Variants in DPYSL4 observed in about 807,000 individuals in gnomAD.
DPYSL4 encodes dihydropyrimidinase-related protein 4.
In DPYSL4, 43 loss-of-function variants were observed where a neutral mutation model predicts 63.4. The ratio of observed to expected loss-of-function variants is 0.68; its 90% confidence interval spans 0.53 to 0.88. The LOEUF is 0.88. Among genes scored for constraint, DPYSL4 ranks in the 40% least tolerant of loss-of-function variants. The probability of loss-of-function intolerance (pLI) is 0.00; values close to 1 mark genes in which losing one functional copy is unlikely to be tolerated. For missense variants in DPYSL4, 733 were observed against 819.5 expected (o/e 0.89, Z 1.29); for synonymous variants, 353 against 331.7 (o/e 1.06, Z -0.70).
intron 12 of DPYSL4, among the ~76,000 whole-genome samples, chr10:132,203,401 C>G (rs2062047247): frequency 1.3e-5 from 2 of 152,238 alleles, no homozygotes; most frequent in South Asian, 4.1e-4. Context: ...CACACACGCA[C>G]AGGGGCACTC....
chr10:132,201,186 A>G (rs571689975), intron 10 of DPYSL4, among the ~76,000 whole-genome samples: 18 of 152,206 alleles, frequency 1.2e-4, no homozygotes, highest in Non-Finnish European at 2.1e-4. Context: ...CAACAGCAAC[A>G]GGGGCAGCTG....
rs2062086294 is a variant in DPYSL4, at chr10:132,205,552, T to C, written c.*622T>C. 1 of 152,566 alleles carries C rather than the reference T, an allele frequency of 6.6e-6. No individual in the cohort carries two copies. The highest frequency in any genetic ancestry group is 2.4e-5 in the African/African-American group (1 of 41,456). The allele number at this position is 152,566 out of a possible 1,614,324, so 9.5% of individuals were successfully genotyped here. A position where few individuals can be genotyped will look rare whatever the true frequency, so the allele number is the denominator to read the frequency against. On this transcript the variant is annotated 3_prime_UTR_variant, in exon 14 of 14. Transcript: ENST00000338492. Reference sequence around the variant, plus strand: ...CCCAAGGCCCACACCTAAGCTTCCATGTAGCCCTCATCCAGGGAAGTTTTG... The same window carrying C: ...CCCAAGGCCCACACCTAAGCTTCCACGTAGCCCTCATCCAGGGAAGTTTTG...
chr10:132,187,750 C>T (rs961779307), intron 1 of DPYSL4, among the ~76,000 whole-genome samples: 3 of 152,244 alleles, frequency 2.0e-5, no homozygotes, highest in African/African-American at 4.8e-5. Flanking sequence ...GCCGGGAACC[C>T]TGGCAGCCCC....
intron 11 of DPYSL4, 124 bp from the exon 12 acceptor site, chr10:132,202,522 G>A: frequency 1.6e-6 from 2 of 1,251,828 alleles, no homozygotes; most frequent in East Asian, 2.5e-5. Flanking sequence ...TCTTGCTAGG[G>A]GCTCAGTGTA....
intron 6 of DPYSL4, 27 bp downstream of exon 6, chr10:132,197,128 G>A (rs1410233274): frequency 8.1e-6 from 12 of 1,472,702 alleles, no homozygotes; most frequent in Non-Finnish European, 9.9e-6. Context: ...CTGCCGTGGG[G>A]CAGGCACAGG....
chr10:132,203,598 C>A, intron 12 of DPYSL4, 164 bp from the exon 13 acceptor site: 1 of 626,448 alleles, frequency 1.6e-6, no homozygotes, highest in Non-Finnish European at 2.7e-6. Context: ...GGGTTGAGCA[C>A]CCCCCCAGGG....
At position 132,198,498 on chromosome 10, in the gene DPYSL4, C is replaced by G; in HGVS notation, c.690+15C>G. ...ACCCCGAGGAGGTAAGATCCCAGGG[C>G]ACCACAGCACACCCGAGCCAACTCC... On this transcript the variant is annotated intron_variant, in intron 7 of 13. Transcript: ENST00000338492. The G allele has an allele frequency of 6.3e-7, 1 of 1,590,240 alleles. No individual in the cohort carries two copies. The highest frequency in any genetic ancestry group is 8.5e-7 in the Non-Finnish European group (1 of 1,172,216).
chr10:132,198,796 T>C, intron 7 of DPYSL4, 55 bp from the exon 8 acceptor site: 1 of 1,601,294 alleles, frequency 6.2e-7, no homozygotes, highest in Non-Finnish European at 8.5e-7. Context: ...TTGCCCACAC[T>C]GGTCTGGAGC....
chr10:132,191,819 T>C (rs71512283), intron 2 of DPYSL4, among the ~76,000 whole-genome samples: 5 of 103,376 alleles, frequency 4.8e-5, no homozygotes, highest in East Asian at 6.6e-4. Context: ...TACACACTGG[T>C]CACGTGGTAT....
intron 6 of DPYSL4, 38 bp downstream of exon 6, chr10:132,197,139 G>C (rs755894507): frequency 6.9e-7 from 1 of 1,457,350 alleles, no homozygotes; most frequent in African/African-American, 1.4e-5. Flanking sequence ...CAGGCACAGG[G>C]GCTGCCGTGG....
At chr10:132,194,485 C>T (rs1290618975) in intron 3 of DPYSL4, among the ~76,000 whole-genome samples, 2 of 152,178 alleles carry the variant, frequency 1.3e-5, no homozygotes, top group African/African-American at 4.8e-5. Flanking sequence ...GCCTGGCCCT[C>T]GGGGTGCCTC....
intron 1 of DPYSL4, among the ~76,000 whole-genome samples, chr10:132,187,517 C>G (rs956399736): frequency 6.6e-6 from 1 of 152,028 alleles, no homozygotes; most frequent in Non-Finnish European, 1.5e-5. Context: ...CGGACGCGGC[C>G]CTTTGTTGGC....
chr10:132,200,682 C>A (rs912096712), intron 9 of DPYSL4, among the ~76,000 whole-genome samples, 160 bp from the exon 10 acceptor site: 10 of 152,146 alleles, frequency 6.6e-5, no homozygotes, highest in Non-Finnish European at 1.3e-4. Context: ...CTGGCAGGAA[C>A]CAGTCCCCGC....
intron 8 of DPYSL4, among the ~76,000 whole-genome samples, chr10:132,200,095 G>A (rs1344756237): frequency 6.6e-6 from 1 of 152,192 alleles, no homozygotes; most frequent in Non-Finnish European, 1.5e-5. Flanking sequence ...GGGGTCCTGG[G>A]GTGGGGTGTG....
intron 1 of DPYSL4, among the ~76,000 whole-genome samples, chr10:132,188,212 G>A (rs2061830359): frequency 6.6e-6 from 1 of 152,174 alleles, no homozygotes. Context: ...GTGCGGAGGG[G>A]CAGCTGCTTC....
intron 3 of DPYSL4, among the ~76,000 whole-genome samples, 165 bp downstream of exon 3, chr10:132,193,007 G>T (rs936525371): frequency 6.6e-6 from 1 of 152,172 alleles, no homozygotes; most frequent in African/African-American, 2.4e-5. Flanking sequence ...TAATCCCTGT[G>T]TCTCACTCTG....
chr10:132,188,133 G>A (rs531941516), intron 1 of DPYSL4, among the ~76,000 whole-genome samples: 1 of 152,302 alleles, frequency 6.6e-6, no homozygotes, highest in East Asian at 1.9e-4. Context: ...CCAGTCAGCT[G>A]GCATGTGGGG....
chr10:132,204,782 T>C, intron 13 of DPYSL4, 57 bp from the exon 14 acceptor site: 2 of 1,486,154 alleles, frequency 1.3e-6, no homozygotes, highest in African/African-American at 1.4e-5. Context: ...ACGCCTTGAA[T>C]AGAAGGGCCC....
intron 1 of DPYSL4, among the ~76,000 whole-genome samples, chr10:132,187,770 G>C (rs1232038256): frequency 2.0e-5 from 3 of 152,204 alleles, no homozygotes; most frequent in African/African-American, 4.8e-5. Flanking sequence ...CTGAACCTTC[G>C]AGAGCAGAGA....
Sources: gnomAD v4.1 joint callset for allele counts (sites outside exome capture counted in the v4.1 genomes callset) on GRCh38, gnomAD v4.1.1 for gene constraint, MANE v1.5 for transcripts, NCBI Gene and HGNC (gene_info 2026-07-23, HGNC 2026-07-21) for gene names.